Variants in FBXL17 observed in about 807,000 individuals in gnomAD.
FBXL17 encodes F-box and leucine rich repeat protein 17.
A neutral mutation model predicts 66.2 loss-of-function variants in FBXL17; 22 were observed. The observed-to-expected ratio is 0.33, with a 90% CI of 0.24 to 0.47. The LOEUF (loss-of-function observed/expected upper bound fraction) is 0.47. Among genes scored for constraint, FBXL17 ranks in the 20% least tolerant of loss-of-function variants. FBXL17 has a pLI of 1.00. For missense variants in FBXL17, 878 were observed against 948.2 expected (o/e 0.93, Z 0.97); for synonymous variants, 474 against 400.5 (o/e 1.18, Z -2.19).
At chr5:107,980,664 A>ATATTTTTTTTT in intron 7 of FBXL17, among the ~76,000 whole-genome samples, 4 of 62,106 alleles carry the variant, frequency 6.4e-5, no homozygotes, top group Admixed American at 3.5e-4. Flanking sequence ...ATATATATAT[A>ATATTTTTTTTT]TTTTTTTTTT....
chr5:108,202,988 C>G (rs1228088479), intron 5 of FBXL17, among the ~76,000 whole-genome samples: 1 of 152,020 alleles, frequency 6.6e-6, no homozygotes, highest in African/African-American at 2.4e-5. Flanking sequence ...AATTATACAA[C>G]AAAGAGTAAA....
intron 7 of FBXL17, among the ~76,000 whole-genome samples, chr5:107,891,191 G>GA (rs1382429198): frequency 6.6e-6 from 1 of 152,146 alleles, no homozygotes; most frequent in Non-Finnish European, 1.5e-5. Context: ...TCCATGCAGA[G>GA]AAAACCTAGT....
intron 5 of FBXL17, among the ~76,000 whole-genome samples, chr5:108,221,815 G>A (rs1012692370): frequency 6.6e-6 from 1 of 152,096 alleles, no homozygotes. Flanking sequence ...TCTACCCTTG[G>A]TTTTCAAGAG....
chr5:108,030,241 T>A (rs547134199), intron 6 of FBXL17, among the ~76,000 whole-genome samples: 1 of 152,222 alleles, frequency 6.6e-6, no homozygotes, highest in East Asian at 1.9e-4. Context: ...ACCAGTCTAT[T>A]CCCTCTGAAG....
intron 4 of FBXL17, among the ~76,000 whole-genome samples, chr5:108,313,812 T>C (rs1759233118): frequency 6.6e-6 from 1 of 151,920 alleles, no homozygotes; most frequent in Admixed American, 6.6e-5. Context: ...CCAAAGCATA[T>C]CTAAAAAACA....
At chr5:108,305,247 C>G (rs1361299616) in intron 4 of FBXL17, among the ~76,000 whole-genome samples, 2 of 151,940 alleles carry the variant, frequency 1.3e-5, no homozygotes, top group African/African-American at 2.4e-5. Context: ...TCACATATAG[C>G]TGAATGATGA....
chr5:108,375,443 C>T (rs1749357638), intron 1 of FBXL17, among the ~76,000 whole-genome samples: 1 of 151,434 alleles, frequency 6.6e-6, no homozygotes, highest in South Asian at 2.1e-4. Context: ...ATTTTAAAAT[C>T]ATGTATAAAA....
chr5:108,316,911 C>T (rs1759390732), intron 4 of FBXL17, among the ~76,000 whole-genome samples: 2 of 151,100 alleles, frequency 1.3e-5, no homozygotes, highest in African/African-American at 4.8e-5. Flanking sequence ...TAAGTTTTAA[C>T]ATCGAACCAA....
At chr5:108,041,460 A>G (rs1286735582) in intron 6 of FBXL17, among the ~76,000 whole-genome samples, 2 of 152,176 alleles carry the variant, frequency 1.3e-5, no homozygotes, top group Non-Finnish European at 2.9e-5. Context: ...TCTATCACCC[A>G]GGCCGGAGAG....
chr5:108,349,007 T>C (rs954643403), intron 3 of FBXL17, among the ~76,000 whole-genome samples: 9 of 152,118 alleles, frequency 5.9e-5, no homozygotes, highest in African/African-American at 2.2e-4. Flanking sequence ...GGTCTCGCTA[T>C]GTTACCCAGA....
Position 108,149,560 on chromosome 5 carries a change from C to T in FBXL17, c.1745+36557G>A, listed in dbSNP as rs143966637. On this transcript the variant is annotated intron_variant, in intron 6 of 8. Coordinates refer to ENST00000542267, the MANE Select transcript of FBXL17 (RefSeq NM_001163315.3). The stretch of plus-strand genomic sequence containing the variant: ...TCTTGGCTTCTTTTATTTTAACTAC[C>T]CTTGACACATGAGTCTCTTTGGACA... Among the ~76,000 whole-genome samples the T allele has an allele frequency of 2.7e-4, 41 of 152,260 alleles. 1 individual carries two copies. The highest frequency in any genetic ancestry group is 3.4e-3 in the Middle Eastern group (1 of 294).
In FBXL17 at chr5:108,013,171, C is replaced by G. The variant is rs145327213; in HGVS notation, c.1822+7754G>C. Among the ~76,000 whole-genome samples the G allele has an allele frequency of 3.7e-4, 57 of 152,062 alleles. 1 individual carries two copies. In the East Asian group the frequency reaches 0.011, roughly 29 times the overall value. On this transcript the variant is annotated intron_variant, in intron 7 of 8. Transcript: ENST00000542267. ...GTTATTTCACTTATTTCTAATTTAA[C>G]TGGATACTTGATTAGTAGTGATAAC...
intron 7 of FBXL17, among the ~76,000 whole-genome samples, chr5:107,971,578 A>G (rs569895915): frequency 2.0e-5 from 3 of 152,236 alleles, no homozygotes; most frequent in Admixed American, 1.3e-4. Flanking sequence ...CATAAGCTAC[A>G]ATTTGGTGCG....
intron 5 of FBXL17, among the ~76,000 whole-genome samples, chr5:108,192,715 C>A (rs965668160): frequency 6.6e-6 from 1 of 152,052 alleles, no homozygotes; most frequent in African/African-American, 2.4e-5. Context: ...TCGCTTGAAC[C>A]CAGGAGGCAG....
At chr5:107,997,504 G>A (rs998005338) in intron 7 of FBXL17, among the ~76,000 whole-genome samples, 20 of 152,204 alleles carry the variant, frequency 1.3e-4, no homozygotes, top group Non-Finnish European at 2.8e-4. Context: ...AGTGCTTCTC[G>A]CTATTCATTA....
Position 107,917,129 on chromosome 5 carries a change from C to T in FBXL17, c.1823-35950G>A, listed in dbSNP as rs149409366. 2.5e-3 allele frequency among the ~76,000 whole-genome samples: 377 copies of T among 152,246 alleles called. 4 individuals carry two copies. The highest frequency in any genetic ancestry group is 8.9e-3 in the African/African-American group (370 of 41,538). ...GCAAATATTAATAGATTACTACCAC[C>T]GCCACTACTATTACAATTACAGCTA... On this transcript the variant is annotated intron_variant, in intron 7 of 8. Coordinates refer to ENST00000542267, the MANE Select transcript of FBXL17 (RefSeq NM_001163315.3).
chr5:107,973,128 G>C (rs1040211168), intron 7 of FBXL17, among the ~76,000 whole-genome samples: 2 of 152,110 alleles, frequency 1.3e-5, no homozygotes, highest in African/African-American at 4.8e-5. Flanking sequence ...TGGGGCTTCA[G>C]GAAATGGAGC....
At chr5:108,067,984 T>C (rs750530072) in intron 6 of FBXL17, among the ~76,000 whole-genome samples, 1 of 152,206 alleles carries the variant, frequency 6.6e-6, no homozygotes, top group Non-Finnish European at 1.5e-5. Context: ...AAATTGCAGA[T>C]TTCTTTTCTG....
At position 108,173,362 on chromosome 5, in the gene FBXL17, A is replaced by G. The variant is rs375539848; in HGVS notation, c.1745+12755T>C. ...ATGTATACATATGTAACTAACCTGC[A>G]CATTGTGCACATGTACCCTAGAACT... On this transcript the variant is annotated intron_variant, in intron 6 of 8. Transcript: ENST00000542267. Among the ~76,000 whole-genome samples, 4 of 152,300 alleles carry G rather than the reference A, an allele frequency of 2.6e-5. No homozygotes were observed. In the East Asian group the frequency reaches 5.8e-4, roughly 22 times the overall value.
Sources: gnomAD v4.1 joint callset for allele counts (sites outside exome capture counted in the v4.1 genomes callset) on GRCh38, gnomAD v4.1.1 for gene constraint, MANE v1.5 for transcripts, NCBI Gene and HGNC (gene_info 2026-07-23, HGNC 2026-07-21) for gene names.